ARMC2: variants seen among roughly 807,000 people sequenced by gnomAD.
The protein encoded by ARMC2 is armadillo repeat containing 2, also known as armadillo repeat-containing protein 2.
Under a neutral mutation model 90.3 loss-of-function variants are expected in ARMC2, and 67 were observed. The ratio of observed to expected loss-of-function variants is 0.74; its 90% confidence interval spans 0.61 to 0.91. The LOEUF is 0.91. Ranked by LOEUF, ARMC2 falls within the 40% of genes least tolerant of loss-of-function variation. The pLI is 0.00. For missense variants in ARMC2, 920 were observed against 1,030.9 expected, an observed-to-expected ratio of 0.89 and a Z score of 1.47; for synonymous variants, 393 against 393.0, an observed-to-expected ratio of 1.00 and a Z score of 0.00.
At chr6:109,046,981 G>A in the ARMC2 span, among the ~76,000 whole-genome samples, 4 of 94,880 alleles carry the variant, frequency 4.2e-5, no homozygotes, top group African/African-American at 8.1e-5. Flanking sequence ...CACCCCGTCC[G>A]GGAGGGAGGT....
intron 3 of ARMC2, among the ~76,000 whole-genome samples, chr6:108,868,461 C>T (rs11752394): frequency 2.0e-5 from 3 of 151,962 alleles, no homozygotes; most frequent in Non-Finnish European, 4.4e-5. Flanking sequence ...AAGTGATCCA[C>T]CTGCCTCGGC....
At chr6:108,942,871 C>T (rs1252719907) in intron 12 of ARMC2, among the ~76,000 whole-genome samples, 5 of 151,792 alleles carry the variant, frequency 3.3e-5, no homozygotes, top group East Asian at 3.9e-4. Context: ...TGGCTAATCG[C>T]GTTTTCAAAA....
At chr6:108,984,608 A>ACATTCAGC in the ARMC2 span, among the ~76,000 whole-genome samples, 5 of 152,172 alleles carry the variant, frequency 3.3e-5, no homozygotes, top group African/African-American at 4.8e-5. Flanking sequence ...GAAGACACAA[A>ACATTCAGC]CATTCAGCCA....
At chr6:108,965,663 G>T (rs1426929675) in intron 17 of ARMC2, among the ~76,000 whole-genome samples, 1 of 151,916 alleles carries the variant, frequency 6.6e-6, no homozygotes, top group Non-Finnish European at 1.5e-5. Flanking sequence ...TTCTTTTCTT[G>T]GGACAGGGTC....
In ARMC2 at chr6:108,868,863, T is replaced by A. The variant is rs776082535; in HGVS notation, c.331T>A (p.Ser111Thr). The part of the protein sequence containing the change: ...VPASPTREED[S>T]CFSFPKPPVD... ...AGCATCTCCCACCAGAGAGGAGGAT[T>A]CCTGCTTTTCCTTTCCTAAGCCCCC... Residue 111 changes from serine to threonine, a missense_variant, in exon 4 of 18, where the codon TCC (serine) becomes ACC (threonine). By Grantham distance (58) the Ser-to-Thr change is moderately conservative (BLOSUM62 1). Transcript: ENST00000392644. 6.2e-7 allele frequency: 1 copy of A among 1,613,774 alleles called. No individual in the cohort carries two copies. The highest frequency in any genetic ancestry group is 1.3e-5 in the African/African-American group (1 of 74,914).
the ARMC2 span, among the ~76,000 whole-genome samples, chr6:108,989,243 T>G: frequency 6.6e-6 from 1 of 152,186 alleles, no homozygotes; most frequent in Non-Finnish European, 1.5e-5. Context: ...CCTCAAGTGA[T>G]CTGCCCGCCT....
the ARMC2 span, chr6:108,993,008 A>ATAT: frequency 1.5e-6 from 1 of 656,714 alleles, no homozygotes; most frequent in African/African-American, 1.8e-5. Context: ...CTGAGTGACC[A>ATAT]ATATCAACCA....
At chr6:108,977,615 A>C (rs1404483392), downstream of ARMC2, among the ~76,000 whole-genome samples, 2 of 152,124 alleles carry the variant, frequency 1.3e-5, no homozygotes, top group Non-Finnish European at 2.9e-5. Context: ...TAGACTGTGA[A>C]TCTGTCTGGT....
intron 17 of ARMC2, among the ~76,000 whole-genome samples, chr6:108,967,926 C>T (rs78547592): frequency 0.01 from 1,539 of 152,234 alleles, 29 homozygotes; most frequent in African/African-American, 0.036. Context: ...AGGTGCAGGC[C>T]CTTCCCACGT....
At chr6:109,011,297 C>T in the ARMC2 span, among the ~76,000 whole-genome samples, 1 of 152,204 alleles carries the variant, frequency 6.6e-6, no homozygotes, top group African/African-American at 2.4e-5. Context: ...TTCAGATATA[C>T]TGAAATTGTA....
At chr6:109,003,916 C>G in the ARMC2 span, among the ~76,000 whole-genome samples, 1 of 152,138 alleles carries the variant, frequency 6.6e-6, no homozygotes, top group African/African-American at 2.4e-5. Flanking sequence ...TTTCTTTAAT[C>G]TTGAAAACTG....
intron 5 of ARMC2, among the ~76,000 whole-genome samples, chr6:108,880,582 C>T (rs904270445): frequency 6.6e-6 from 1 of 152,200 alleles, no homozygotes; most frequent in Non-Finnish European, 1.5e-5. Flanking sequence ...TGATCAAGTT[C>T]GAGGATGACA....
intron 3 of ARMC2, among the ~76,000 whole-genome samples, chr6:108,861,719 G>C (rs1775262293): frequency 6.6e-6 from 1 of 152,190 alleles, no homozygotes; most frequent in South Asian, 2.1e-4. Context: ...TTTTGAGCCA[G>C]CTACAGCCTG....
At chr6:109,045,418 CCTAA>C in the ARMC2 span, among the ~76,000 whole-genome samples, 1 of 152,190 alleles carries the variant, frequency 6.6e-6, no homozygotes, top group African/African-American at 2.4e-5. Context: ...ATAGGTTCCC[CCTAA>C]CTTTCAAAAT....
chr6:108,868,150 CTGAAT>C (rs1333817686), intron 3 of ARMC2, among the ~76,000 whole-genome samples: 1 of 148,018 alleles, frequency 6.8e-6, no homozygotes, highest in African/African-American at 2.5e-5. Flanking sequence ...GTTTTCTGAA[CTGAAT>C]TGAACTCAGA....
chr6:108,990,220 G>T, the ARMC2 span, among the ~76,000 whole-genome samples: 2 of 151,972 alleles, frequency 1.3e-5, no homozygotes, highest in African/African-American at 2.4e-5. Flanking sequence ...TACGTATTAT[G>T]AGAGCAAGTA....
intron 10 of ARMC2, among the ~76,000 whole-genome samples, chr6:108,923,889 C>T (rs934873633): frequency 3.9e-5 from 6 of 152,184 alleles, no homozygotes; most frequent in Non-Finnish European, 8.8e-5. Context: ...TCTTTTGTCG[C>T]TCCTGTCCCT....
chr6:109,015,536 T>C, the ARMC2 span, among the ~76,000 whole-genome samples: 1 of 152,160 alleles, frequency 6.6e-6, no homozygotes, highest in African/African-American at 2.4e-5. Context: ...AAGTGTCTGT[T>C]GAGATATAAA....
At chr6:108,865,939 A>C in intron 3 of ARMC2, among the ~76,000 whole-genome samples, 1 of 150,966 alleles carries the variant, frequency 6.6e-6, no homozygotes, top group East Asian at 1.9e-4. Flanking sequence ...ATTGCATGAG[A>C]CCAGGAAGTC....
Sources: allele counts gnomAD v4.1 joint callset (sites outside exome capture counted in the v4.1 genomes callset), GRCh38; gene constraint gnomAD v4.1.1; transcripts MANE v1.5; gene names NCBI Gene and HGNC (gene_info 2026-07-23, HGNC 2026-07-21).